Variants in CCDC74A observed in about 807,000 individuals in gnomAD.
The protein encoded by CCDC74A is coiled-coil domain-containing protein 74A.
A neutral mutation model predicts 37.6 loss-of-function variants in CCDC74A; 38 were observed. The observed-to-expected ratio is 1.01, with a 90% CI of 0.78 to 1.33. CCDC74A has a LOEUF of 1.33. Ranked by LOEUF, CCDC74A falls within the 40% of genes most tolerant of loss-of-function variation. The pLI, the probability that CCDC74A is intolerant of heterozygous loss-of-function variation, is 0.00. For synonymous variants in CCDC74A, 134 were observed against 165.2 expected, an observed-to-expected ratio of 0.81 and a Z score of 1.45; for missense variants, 340 against 403.4, an observed-to-expected ratio of 0.84 and a Z score of 1.35.
chr2:131,524,684 G>C (rs887018296), upstream of CCDC74A, among the ~76,000 whole-genome samples: 8 of 151,880 alleles, frequency 5.3e-5, no homozygotes, highest in African/African-American at 1.9e-4. Context: ...CTTCCAGGAG[G>C]TTTTTATGGA....
chr2:131,530,422 C>T (rs755484026), intron 2 of CCDC74A: 63 of 1,548,456 alleles, frequency 4.1e-5, no homozygotes, highest in African/African-American at 5.5e-5. Context: ...CTTCCCTAGC[C>T]GCTGTGGCAA....
upstream of CCDC74A, among the ~76,000 whole-genome samples, chr2:131,527,205 G>A (rs1429496750): frequency 6.6e-6 from 1 of 151,940 alleles, no homozygotes; most frequent in Non-Finnish European, 1.5e-5. Context: ...CACCTCCTGG[G>A]TTCAAGTGAT....
upstream of CCDC74A, among the ~76,000 whole-genome samples, chr2:131,525,048 T>C (rs1680249355): frequency 6.6e-6 from 1 of 152,010 alleles, no homozygotes; most frequent in Non-Finnish European, 1.5e-5. Flanking sequence ...GATGAATTTC[T>C]CTCCACTCAG....
chr2:131,522,706 C>CG (rs1335244705), upstream of CCDC74A, among the ~76,000 whole-genome samples: 3 of 152,272 alleles, frequency 2.0e-5, no homozygotes, highest in East Asian at 5.8e-4. Context: ...CCCACTCCCA[C>CG]GATCTACCGC....
intron 1 of CCDC74A, chr2:131,529,375 C>G (rs1680795417): frequency 3.2e-6 from 2 of 615,814 alleles, no homozygotes; most frequent in Non-Finnish European, 2.9e-6. Flanking sequence ...AGCCCAGGCC[C>G]TGCCTGGGCA....
At chr2:131,531,989 G>A (rs1380505173) in intron 4 of CCDC74A, among the ~76,000 whole-genome samples, 187 bp downstream of exon 4, 11 of 149,076 alleles carry the variant, frequency 7.4e-5, no homozygotes, top group Non-Finnish European at 1.4e-4. Context: ...CCATCGGTGG[G>A]CGCTGTCTTC....
upstream of CCDC74A, among the ~76,000 whole-genome samples, chr2:131,526,369 A>G (rs1258587472): frequency 6.6e-6 from 1 of 151,408 alleles, no homozygotes. Flanking sequence ...CTGGTCTTGA[A>G]CTCCTGACCT....
intron 2 of CCDC74A, chr2:131,530,514 G>C: frequency 6.3e-7 from 1 of 1,577,574 alleles, no homozygotes; most frequent in South Asian, 1.1e-5. Context: ...ACAGGACACG[G>C]GAAGAGGCCA....
upstream of CCDC74A, among the ~76,000 whole-genome samples, chr2:131,524,162 G>A (rs57531485): frequency 5.1e-4 from 78 of 152,166 alleles, no homozygotes; most frequent in East Asian, 0.014. Flanking sequence ...AGACCCATCC[G>A]GATTCACTGC....
intron 1 of CCDC74A, chr2:131,528,692 T>C (rs1680640913): frequency 4.6e-5 from 19 of 412,206 alleles, no homozygotes; most frequent in South Asian, 3.4e-4. Context: ...GCGTCTGTAG[T>C]CCCAGCTACT....
chr2:131,532,649 G>C lies in CCDC74A; in HGVS notation c.546G>C (p.Gln182His), dbSNP rs758889615. 1.9e-6 allele frequency: 3 copies of C among 1,611,942 alleles called. No homozygotes were observed. The highest frequency in any genetic ancestry group is 2.5e-6 in the Non-Finnish European group (3 of 1,179,048). ...CCTGTATGGGGAACAGCCAGCACCA[G>C]GGCAGGCAGATGGGGGCGGGGGCAC... ...GAACMGNSQH[Q>H]GRQMGAGAHP... The change falls in exon 5 of 8, where the codon CAG becomes CAC. Residue 182 changes from glutamine (Q) to histidine (H), a missense_variant. By Grantham distance (24) the Gln-to-His change is conservative. Coordinates refer to ENST00000409856, the MANE Select transcript of CCDC74A (RefSeq NM_001258306.3).
chr2:131,529,735 C>G, intron 2 of CCDC74A, 44 bp downstream of exon 2: 1 of 1,606,812 alleles, frequency 6.2e-7, no homozygotes, highest in Non-Finnish European at 8.5e-7. Flanking sequence ...GCTCTTGCCA[C>G]CCAGGGGAGC....
Position 131,532,727 on chromosome 2 carries a change from G to C in CCDC74A, c.624G>C (p.Gln208His), listed in dbSNP as rs373531878. 1.2e-6 allele frequency: 2 copies of C among 1,613,704 alleles called. No homozygotes were observed. The highest frequency in any genetic ancestry group is 3.3e-5 in the Admixed American group (2 of 60,004). ...LPLRKPTTLR[Q>H]CEVLIRELWN... ...TGCGAAAGCCCACCACACTTAGGCA[G>C]TGCGAAGTGCTCATCCGCGAGCTGT... The change falls in exon 5 of 8, where the codon CAG becomes CAC. Residue 208 changes from glutamine (Q) to histidine (H), a missense_variant. Gln to His is a conservative substitution (Grantham distance 24). Coordinates refer to ENST00000409856, the MANE Select transcript of CCDC74A (RefSeq NM_001258306.3).
intron 2 of CCDC74A, 85 bp downstream of exon 2, chr2:131,529,776 C>T (rs2104799205): frequency 6.4e-7 from 1 of 1,573,730 alleles, no homozygotes; most frequent in Middle Eastern, 1.7e-4. Context: ...CACCTGGCTG[C>T]ACTGGCCCCT....
In CCDC74A at chr2:131,529,699, C is replaced by T; in HGVS notation, c.295+8C>T. The T allele has an allele frequency of 6.8e-6, 11 of 1,613,784 alleles. No individual in the cohort carries two copies. Among genetic ancestry groups the T allele is most frequent in the Non-Finnish European group, 9.3e-6 (11 of 1,179,674 alleles). On this transcript the variant is annotated splice_region_variant and intron_variant, in intron 2 of 7. Coordinates refer to ENST00000409856, the MANE Select transcript of CCDC74A (RefSeq NM_001258306.3). ...AGACATCACAGAAGAAAGGTGAGAA[C>T]TGGGCCCTTCAGTGACTGATGGGAT...
chr2:131,526,817 G>A (rs1207188647), upstream of CCDC74A, among the ~76,000 whole-genome samples: 1 of 152,162 alleles, frequency 6.6e-6, no homozygotes. Context: ...CTTAGTTTTT[G>A]TCTCCCTGTT....
chr2:131,529,543 G>C, intron 1 of CCDC74A, 104 bp from the exon 2 acceptor site: 1 of 1,486,696 alleles, frequency 6.7e-7, no homozygotes, highest in South Asian at 1.1e-5. Context: ...CAGTGGGGGG[G>C]CAGGACTTTT....
upstream of CCDC74A, among the ~76,000 whole-genome samples, chr2:131,523,886 A>G (rs561487228): frequency 3.8e-4 from 58 of 152,102 alleles, no homozygotes; most frequent in African/African-American, 1.4e-3. Context: ...TAAGGAGGGT[A>G]CTGTACATGT....
upstream of CCDC74A, among the ~76,000 whole-genome samples, chr2:131,524,112 G>T (rs775207411): frequency 1.3e-5 from 2 of 152,068 alleles, no homozygotes; most frequent in African/African-American, 4.8e-5. Flanking sequence ...CTCCTCAGTC[G>T]AATTCCTTCT....
Sources: allele counts gnomAD v4.1 joint callset (sites outside exome capture counted in the v4.1 genomes callset), GRCh38; gene constraint gnomAD v4.1.1; transcripts MANE v1.5; gene names NCBI Gene and HGNC (gene_info 2026-07-23, HGNC 2026-07-21).